CECR2: variants seen among roughly 807,000 people sequenced by gnomAD.
The protein encoded by CECR2 is CECR2 histone acetyl-lysine reader, also known as chromatin remodeling regulator CECR2.
In CECR2, 30 loss-of-function variants were observed where a neutral mutation model predicts 154.5. The ratio of observed to expected loss-of-function variants is 0.19; its 90% CI spans 0.15 to 0.26. The LOEUF (loss-of-function observed/expected upper bound fraction) is 0.26, where lower values mean the gene tolerates loss of function less well. CECR2 is among the 10% of genes least tolerant of loss of function. The pLI, the probability that CECR2 is intolerant of heterozygous loss-of-function variation, is 1.00. For synonymous variants in CECR2, 725 were observed against 683.7 expected (o/e 1.06, Z -0.94); for missense variants, 1,743 against 1,829.3 (o/e 0.95, Z 0.86).
upstream of CECR2, among the ~76,000 whole-genome samples, chr22:17,366,488 CTG>C (rs1425840303): frequency 2.6e-5 from 4 of 152,072 alleles, no homozygotes; most frequent in Admixed American, 6.6e-5. Context: ...CCCCGGCAAA[CTG>C]TGTGTTTTTA....
intron 1 of CECR2, among the ~76,000 whole-genome samples, chr22:17,426,933 G>C (rs7292630): frequency 0.33 from 50,411 of 151,692 alleles, 8,711 homozygotes; most frequent in African/African-American, 0.43. Context: ...TGTTATATAG[G>C]TATACATGTG....
intron 1 of CECR2, among the ~76,000 whole-genome samples, chr22:17,391,772 T>G (rs1191321857): frequency 6.6e-6 from 1 of 152,244 alleles, no homozygotes; most frequent in Non-Finnish European, 1.5e-5. Context: ...CAATATAGTG[T>G]GCTTATGTGG....
intron 1 of CECR2, among the ~76,000 whole-genome samples, chr22:17,403,951 A>G (rs1486201237): frequency 6.6e-6 from 1 of 151,984 alleles, no homozygotes; most frequent in African/African-American, 2.4e-5. Context: ...GCATGTGTTT[A>G]GTAGCATTTG....
At chr22:17,526,680 G>A (rs574885718) in intron 9 of CECR2, among the ~76,000 whole-genome samples, 2 of 151,850 alleles carry the variant, frequency 1.3e-5, no homozygotes, top group Non-Finnish European at 2.9e-5. Context: ...ACGGTGGCAG[G>A]CACCGGTAAT....
chr22:17,456,461 G>A (rs1432141699), intron 1 of CECR2, among the ~76,000 whole-genome samples: 1 of 152,028 alleles, frequency 6.6e-6, no homozygotes. Flanking sequence ...TAATAATTTT[G>A]TCATTTGTAA....
At chr22:17,507,571 C>T (rs2055869934) in intron 7 of CECR2, among the ~76,000 whole-genome samples, 1 of 151,944 alleles carries the variant, frequency 6.6e-6, no homozygotes, top group Admixed American at 6.6e-5. Context: ...CTGCTATATT[C>T]AGCCTAACAT....
In CECR2 at chr22:17,542,359, G is replaced by C. The variant is rs751314301; in HGVS notation, c.2216G>C (p.Gly739Ala). Residue 739 changes from glycine (G) to alanine (A), a missense_variant, in exon 16 of 19, where the codon GGG becomes GCG. Gly to Ala is a moderately conservative substitution (Grantham distance 60). Coordinates refer to ENST00000262608, the MANE Select transcript of CECR2 (RefSeq NM_001290047.2). Reference sequence around the variant, plus strand: ...CCAGGATTCATTCCTCCCCGGCATGGGGGGGCTCCAGCCCGGCCACCAGAC... The same window carrying C: ...CCAGGATTCATTCCTCCCCGGCATGCGGGGGCTCCAGCCCGGCCACCAGAC... ...FQPGFIPPRH[G>A]GAPARPPDFP... The C allele has an allele frequency of 1.1e-5, 17 of 1,613,852 alleles. No homozygotes were observed. Among genetic ancestry groups the C allele is most frequent in the Non-Finnish European group, 1.4e-5 (17 of 1,179,852 alleles).
intron 1 of CECR2, among the ~76,000 whole-genome samples, chr22:17,386,019 T>C (rs1005156226): frequency 6.6e-6 from 1 of 152,202 alleles, no homozygotes; most frequent in African/African-American, 2.4e-5. Context: ...CCCTACATCA[T>C]GTAAGCCGGA....
chr22:17,470,990 G>A (rs535805797), intron 1 of CECR2, among the ~76,000 whole-genome samples: 1 of 152,284 alleles, frequency 6.6e-6, no homozygotes, highest in East Asian at 1.9e-4. Context: ...AAACCTCAGA[G>A]GCCTGGAGCT....
intron 1 of CECR2, among the ~76,000 whole-genome samples, chr22:17,409,480 C>T (rs1264087458): frequency 1.8e-5 from 2 of 112,068 alleles, no homozygotes; most frequent in African/African-American, 5.9e-5. Context: ...ATCCGCCTGC[C>T]TCGGCCTCCC....
chr22:17,535,634 G>A (rs772896731), intron 9 of CECR2, among the ~76,000 whole-genome samples: 3 of 148,474 alleles, frequency 2.0e-5, no homozygotes, highest in East Asian at 2.0e-4. Flanking sequence ...TGATACATGC[G>A]TATTCATTAA....
At chr22:17,543,911 C>T (rs1027224661) in intron 16 of CECR2, among the ~76,000 whole-genome samples, 1 of 152,154 alleles carries the variant, frequency 6.6e-6, no homozygotes, top group Admixed American at 6.5e-5. Flanking sequence ...GCTACTGTTA[C>T]TATCCTTGTT....
intron 7 of CECR2, among the ~76,000 whole-genome samples, chr22:17,508,399 T>C (rs1257745317): frequency 6.6e-6 from 1 of 151,762 alleles, no homozygotes; most frequent in Non-Finnish European, 1.5e-5. Flanking sequence ...TCTTAAATCT[T>C]TTATACTGTA....
intron 1 of CECR2, among the ~76,000 whole-genome samples, chr22:17,375,880 G>A (rs1270745362): frequency 6.6e-6 from 1 of 151,804 alleles, no homozygotes; most frequent in East Asian, 1.9e-4. Context: ...CATTGGAGCC[G>A]GGAGACGGAG....
intron 9 of CECR2, among the ~76,000 whole-genome samples, chr22:17,533,115 A>G (rs2056384416): frequency 1.3e-5 from 2 of 150,144 alleles, no homozygotes; most frequent in South Asian, 4.2e-4. Context: ...CAGAAGATCA[A>G]GACCATCCTG....
chr22:17,387,446 A>G (rs1232397999), intron 1 of CECR2, among the ~76,000 whole-genome samples: 2 of 152,198 alleles, frequency 1.3e-5, no homozygotes, highest in Non-Finnish European at 2.9e-5. Flanking sequence ...GCCACGACAC[A>G]GCCAGAATCT....
At chr22:17,547,608 A>G (rs1159298585) in intron 16 of CECR2, among the ~76,000 whole-genome samples, 2 of 152,220 alleles carry the variant, frequency 1.3e-5, no homozygotes, top group African/African-American at 2.4e-5. Flanking sequence ...TATTCATTCA[A>G]CAAAGTGATT....
chr22:17,495,567 TA>T (rs35952986), intron 2 of CECR2, among the ~76,000 whole-genome samples: 88 of 124,780 alleles, frequency 7.1e-4, no homozygotes, highest in African/African-American at 1.4e-3. Flanking sequence ...AAAACTCCAT[TA>T]AAAAAAAAAA....
chr22:17,506,068 A>G (rs937615856), intron 7 of CECR2, among the ~76,000 whole-genome samples: 1 of 150,928 alleles, frequency 6.6e-6, no homozygotes. Context: ...GCTTGTCCCA[A>G]ACTCCTAGCC....
Sources: gnomAD v4.1 joint callset for allele counts (sites outside exome capture counted in the v4.1 genomes callset) on GRCh38, gnomAD v4.1.1 for gene constraint, MANE v1.5 for transcripts, NCBI Gene and HGNC (gene_info 2026-07-23, HGNC 2026-07-21) for gene names.